Variants in DHDDS observed in about 807,000 individuals in gnomAD.
DHDDS encodes dehydrodolichyl diphosphate synthase complex subunit DHDDS.
DHDDS carries 16 observed loss-of-function variants against 46.2 expected under a neutral mutation model. The ratio of observed to expected loss-of-function variants is 0.35; its 90% CI spans 0.23 to 0.53. The LOEUF is 0.53. DHDDS is among the 20% of genes least tolerant of loss of function. The pLI is 0.94. For synonymous variants in DHDDS, 151 were observed against 163.1 expected (o/e 0.93, Z 0.56); for missense variants, 340 against 423.7 (o/e 0.80, Z 1.73).
intron 7 of DHDDS, among the ~76,000 whole-genome samples, chr1:26,458,660 C>T (rs1336692059): frequency 2.6e-5 from 4 of 151,084 alleles, no homozygotes; most frequent in Non-Finnish European, 5.9e-5. Context: ...ATCACTTGAA[C>T]CTAGGAGGCA....
intron 6 of DHDDS, among the ~76,000 whole-genome samples, chr1:26,452,496 CTCTG>C (rs1482310516): frequency 1.3e-5 from 2 of 152,142 alleles, no homozygotes; most frequent in Non-Finnish European, 2.9e-5. Context: ...CCCTGTAGGC[CTCTG>C]TCTTTCTTAT....
At chr1:26,459,921 A>C (rs1418569492) in intron 7 of DHDDS, 116 bp from the exon 8 acceptor site, 1 of 836,882 alleles carries the variant, frequency 1.2e-6, no homozygotes, top group East Asian at 2.4e-5. Context: ...TGCCTGTAAC[A>C]TTGTCATCTC....
At chr1:26,452,322 T>A (rs2075329454) in intron 6 of DHDDS, among the ~76,000 whole-genome samples, 1 of 152,166 alleles carries the variant, frequency 6.6e-6, no homozygotes. Context: ...GGATTACAGG[T>A]TTGAACCACG....
rs935771939 is a variant in DHDDS, at chr1:26,470,959, G to A, written c.*1828G>A. The A allele has an allele frequency of 2.0e-5, 3 of 152,528 alleles. No homozygotes were observed. The highest frequency in any genetic ancestry group is 4.4e-5 in the Non-Finnish European group (3 of 68,158). 9.4% of individuals were successfully genotyped at this position (152,528 alleles called of 1,614,324 possible). On this transcript the variant is annotated 3_prime_UTR_variant, in exon 9 of 9. Coordinates refer to ENST00000236342, the MANE Select transcript of DHDDS (RefSeq NM_205861.3). ...GTAATATGATTGGGGTACAGTAGAG[G>A]TGATTAATGGGGCTGGCATCTCTCT...
chr1:26,466,018 ATT>A (rs994448590), intron 8 of DHDDS, among the ~76,000 whole-genome samples: 2 of 152,322 alleles, frequency 1.3e-5, no homozygotes, highest in African/African-American at 2.4e-5. Flanking sequence ...TGGAGGGACT[ATT>A]ACATCTTGTT....
intron 2 of DHDDS, among the ~76,000 whole-genome samples, chr1:26,436,584 C>T (rs965970416): frequency 2.0e-5 from 3 of 151,734 alleles, no homozygotes; most frequent in South Asian, 2.1e-4. Context: ...CCACCACGCC[C>T]GGCTAACTTT....
At chr1:26,440,296 G>A (rs910698022) in intron 3 of DHDDS, among the ~76,000 whole-genome samples, 7 of 152,126 alleles carry the variant, frequency 4.6e-5, no homozygotes, top group African/African-American at 1.7e-4. Context: ...AAGTCTTTAC[G>A]TTTGTTGACT....
At chr1:26,468,812 C>CCCCCCCCCCACCCACA in intron 8 of DHDDS, 83 bp from the exon 9 acceptor site, 1 of 601,116 alleles carries the variant, frequency 1.7e-6, no homozygotes, top group East Asian at 4.3e-5. Context: ...CCACCCTGTG[C>CCCCCCCCCCACCCACA]CCCACCCCCT....
At chr1:26,436,147 CA>C (rs1448079479) in intron 2 of DHDDS, among the ~76,000 whole-genome samples, 1 of 151,894 alleles carries the variant, frequency 6.6e-6, no homozygotes, top group Non-Finnish European at 1.5e-5. Context: ...CCTGTAATCC[CA>C]GCACTTTGGG....
rs147861842 is a variant in DHDDS, at chr1:26,442,570, A to G, written c.181-161A>G. 0.013 allele frequency: 11,046 copies of G among 825,760 alleles called. 112 individuals carry two copies. The highest frequency in any genetic ancestry group is 0.019 in the Middle Eastern group (70 of 3,590). 51.2% of individuals were successfully genotyped at this position (825,760 alleles called of 1,614,324 possible). On this transcript the variant is annotated intron_variant, in intron 3 of 8. Transcript: ENST00000236342. Reference sequence around the variant, plus strand: ...TGGTTTTCTGCTTATTTGATGCATTAATTCTGACATAAACACTGATGTTAT... The same window carrying G: ...TGGTTTTCTGCTTATTTGATGCATTGATTCTGACATAAACACTGATGTTAT...
intron 7 of DHDDS, among the ~76,000 whole-genome samples, chr1:26,459,546 A>C (rs771812607): frequency 6.6e-5 from 10 of 152,224 alleles, no homozygotes; most frequent in Non-Finnish European, 1.3e-4. Context: ...TGCTCAAATA[A>C]ATGGTAAATG....
At chr1:26,456,084 C>A (rs1309424747) in intron 6 of DHDDS, among the ~76,000 whole-genome samples, 1 of 152,178 alleles carries the variant, frequency 6.6e-6, no homozygotes. Flanking sequence ...CCTTTCTGAC[C>A]ATCTCTGTGC....
At chr1:26,455,991 C>T (rs954843117) in intron 6 of DHDDS, among the ~76,000 whole-genome samples, 3 of 152,160 alleles carry the variant, frequency 2.0e-5, no homozygotes, top group Non-Finnish European at 4.4e-5. Context: ...AGACACCAGC[C>T]ATGCAAATAC....
At chr1:26,446,890 G>A (rs532581226) in intron 5 of DHDDS, among the ~76,000 whole-genome samples, 16 of 152,342 alleles carry the variant, frequency 1.1e-4, no homozygotes, top group Admixed American at 5.9e-4. Flanking sequence ...ACTCTGTGAT[G>A]TGTAGCTTTG....
intron 3 of DHDDS, among the ~76,000 whole-genome samples, chr1:26,439,997 G>A (rs997096926): frequency 8.8e-5 from 13 of 147,450 alleles, no homozygotes; most frequent in East Asian, 1.9e-4. Context: ...AAAGTTAGCC[G>A]GGCGTGGTGG....
At chr1:26,451,302 A>G (rs2075316648) in intron 6 of DHDDS, among the ~76,000 whole-genome samples, 1 of 152,048 alleles carries the variant, frequency 6.6e-6, no homozygotes, top group African/African-American at 2.4e-5. Flanking sequence ...TCAGTGCGTT[A>G]ATTACAATTA....
Position 26,470,611 on chromosome 1 carries a change from G to C in DHDDS, c.*1480G>C, listed in dbSNP as rs1293665795. 1 of 152,566 alleles carries C rather than the reference G, an allele frequency of 6.6e-6. No homozygotes were observed. Among genetic ancestry groups the C allele is most frequent in the African/African-American group, 2.4e-5 (1 of 41,400 alleles). 9.5% of individuals were successfully genotyped at this position (152,566 alleles called of 1,614,324 possible). Reference sequence around the variant, plus strand: ...GATACCTGGCGGCAAGAGACTTCTTGGCTATTGTCCATGCTCCCAGAATCA... The same window carrying C: ...GATACCTGGCGGCAAGAGACTTCTTCGCTATTGTCCATGCTCCCAGAATCA... On this transcript the variant is annotated 3_prime_UTR_variant, in exon 9 of 9. Coordinates refer to ENST00000236342, the MANE Select transcript of DHDDS (RefSeq NM_205861.3).
intron 8 of DHDDS, among the ~76,000 whole-genome samples, chr1:26,461,688 C>T (rs929006586): frequency 6.6e-6 from 1 of 152,178 alleles, no homozygotes; most frequent in African/African-American, 2.4e-5. Flanking sequence ...CCCGGCCACA[C>T]ATAGAATACT....
At chr1:26,445,538 C>T (rs989007618) in intron 4 of DHDDS, among the ~76,000 whole-genome samples, 2 of 152,112 alleles carry the variant, frequency 1.3e-5, no homozygotes, top group Non-Finnish European at 2.9e-5. Context: ...CATAGTGAGA[C>T]CTCATCTTTA....
Sources: allele counts gnomAD v4.1 joint callset (sites outside exome capture counted in the v4.1 genomes callset), GRCh38; gene constraint gnomAD v4.1.1; transcripts MANE v1.5; gene names NCBI Gene and HGNC (gene_info 2026-07-23, HGNC 2026-07-21).